The following PIWIL4 variants were observed in gnomAD, a reference collection of about 807,000 sequenced individuals.
The protein encoded by PIWIL4 is piwi-like protein 4.
A neutral mutation model predicts 100.9 loss-of-function variants in PIWIL4; 50 were observed. That is an observed-to-expected ratio of 0.50 (90% CI 0.39 to 0.63). The LOEUF (loss-of-function observed/expected upper bound fraction) is 0.63. PIWIL4 is among the 20% of genes least tolerant of loss of function. The pLI is 0.00. For missense variants in PIWIL4, 887 were observed against 1,043.3 expected (o/e 0.85, Z 2.06); for synonymous variants, 342 against 367.5 (o/e 0.93, Z 0.79).
chr11:94,598,559 G>A (rs760592638), intron 11 of PIWIL4, among the ~76,000 whole-genome samples: 5 of 151,756 alleles, frequency 3.3e-5, no homozygotes, highest in African/African-American at 9.7e-5. Context: ...CTCCCCCTCC[G>A]TTTTGCCCAC....
intron 4 of PIWIL4, among the ~76,000 whole-genome samples, chr11:94,583,032 GTA>G (rs142770942): frequency 0.19 from 26,434 of 137,646 alleles, 2,437 homozygotes; most frequent in East Asian, 0.27. Flanking sequence ...TGTGGTGTGT[GTA>G]TATATATATA....
rs755216519 is a variant in PIWIL4 at position 94,595,299 on chromosome 11, C to T, written c.1151-10C>T. ...CATTTTCTCACTTTGTCTTCATTTG[C>T]ATTTAATAGGGCTGACTGACCAGGC... On this transcript the variant is annotated splice_polypyrimidine_tract_variant and intron_variant, in intron 9 of 19. Transcript: ENST00000299001. The T allele has an allele frequency of 4.4e-6, 7 of 1,608,042 alleles. No individual in the cohort carries two copies. The South Asian group carries it at 5.5e-5, about 13-fold the overall frequency.
chr11:94,568,390 G>C (rs1027618396), intron 1 of PIWIL4, among the ~76,000 whole-genome samples: 3 of 152,096 alleles, frequency 2.0e-5, no homozygotes, highest in Non-Finnish European at 4.4e-5. Context: ...TTTTATGTCC[G>C]TGGGCTATGG....
chr11:94,585,666 T>G lies in PIWIL4; in HGVS notation c.716+141T>G, dbSNP rs1176806271. 8.4e-6 allele frequency: 5 copies of G among 594,670 alleles called. No individual in the cohort carries two copies. In the African/African-American group the frequency reaches 9.7e-5, roughly 12 times the overall value. 36.8% of individuals were successfully genotyped at this position (594,670 alleles called of 1,614,324 possible). On this transcript the variant is annotated intron_variant, in intron 6 of 19. Transcript: ENST00000299001. ...AATGAATTTTTTATAATTTTCAAGTTTTTTTAATAAAATGGTTCATGTGAA... is the reference window on the plus strand; with the variant it reads ...AATGAATTTTTTATAATTTTCAAGTGTTTTTAATAAAATGGTTCATGTGAA...
chr11:94,569,711 A>G (rs1948122705), intron 2 of PIWIL4, among the ~76,000 whole-genome samples: 1 of 152,052 alleles, frequency 6.6e-6, no homozygotes, highest in African/African-American at 2.4e-5. Context: ...TAACTCAGAA[A>G]CAGAAAGTCA....
intron 4 of PIWIL4, among the ~76,000 whole-genome samples, chr11:94,579,154 G>C (rs1948281321): frequency 6.6e-6 from 1 of 152,120 alleles, no homozygotes; most frequent in African/African-American, 2.4e-5. Flanking sequence ...GCACCCTTGT[G>C]CCTGTATGTC....
intron 3 of PIWIL4, among the ~76,000 whole-genome samples, chr11:94,576,197 C>T (rs889875741): frequency 3.3e-5 from 5 of 152,214 alleles, no homozygotes; most frequent in East Asian, 1.9e-4. Flanking sequence ...TGTAATGGTG[C>T]GATCTTGGTT....
In PIWIL4 at chr11:94,608,686, G is replaced by A. The variant is rs1438086012; in HGVS notation, c.1943G>A (p.Arg648Lys). ...GCCAGTGTTAACCCCAGAATCACCA[G>A]GTACTGCTAAAACTACCTGAACACA... The part of the protein sequence containing the change: ...CVASVNPRIT[R>K]WFSRCILQRT... The change falls in exon 15 of 20, where the codon AGG (arginine) becomes AAG (lysine). Residue 648 changes from arginine (R) to lysine (K), a missense_variant and splice_region_variant. Arg to Lys is a conservative substitution (Grantham distance 26). Coordinates refer to ENST00000299001, the MANE Select transcript of PIWIL4 (RefSeq NM_152431.3). The A allele has an allele frequency of 6.2e-7, 1 of 1,612,972 alleles. No homozygotes were observed. Among genetic ancestry groups the A allele is most frequent in the Non-Finnish European group, 8.5e-7 (1 of 1,179,100 alleles).
chr11:94,618,587 A>G (rs904210682), intron 17 of PIWIL4, among the ~76,000 whole-genome samples: 1 of 152,212 alleles, frequency 6.6e-6, no homozygotes, highest in Admixed American at 6.5e-5. Flanking sequence ...GCAGATGGAA[A>G]TCAGACCATC....
intron 4 of PIWIL4, among the ~76,000 whole-genome samples, chr11:94,580,692 A>G (rs1948299385): frequency 6.6e-6 from 1 of 152,304 alleles, no homozygotes; most frequent in African/African-American, 2.4e-5. Flanking sequence ...TGTCATAATA[A>G]TTAGTATCTT....
At chr11:94,576,099 T>C (rs1948232336) in intron 3 of PIWIL4, among the ~76,000 whole-genome samples, 1 of 152,188 alleles carries the variant, frequency 6.6e-6, no homozygotes, top group Non-Finnish European at 1.5e-5. Context: ...CTTTCCTCCA[T>C]GAGAAAAGCA....
chr11:94,598,705 C>CTTT (rs769342028), intron 11 of PIWIL4, among the ~76,000 whole-genome samples: 3,691 of 109,982 alleles, frequency 0.034, 144 homozygotes, highest in East Asian at 0.11. Flanking sequence ...TTTTTTCCAT[C>CTTT]TTTTTTTTTT....
Position 94,568,906 on chromosome 11 carries a change from A to G in PIWIL4, c.166+98A>G, listed in dbSNP as rs532386624. ...ACAGCAGTAGGCCCACCTCTTGCAC[A>G]TCCTGATTTCCTTTCCTTGAAGGAT... On this transcript the variant is annotated intron_variant, in intron 2 of 19. Transcript: ENST00000299001. 24 of 1,036,162 alleles carry G rather than the reference A, an allele frequency of 2.3e-5. 1 individual carries two copies. In the South Asian group the frequency reaches 3.3e-4, roughly 14 times the overall value. 64.2% of individuals were successfully genotyped at this position (1,036,162 alleles called of 1,614,324 possible). A position where few individuals can be genotyped will look rare whatever the true frequency, so the allele number is the denominator to read the frequency against.
At position 94,598,362 on chromosome 11, in the gene PIWIL4, C is replaced by T. The variant is rs1439410877; in HGVS notation, c.1380+447C>T. Among the ~76,000 whole-genome samples the T allele has an allele frequency of 1.4e-4, 21 of 152,040 alleles. 1 individual carries two copies. Among genetic ancestry groups the T allele is most frequent in the Non-Finnish European group, 1.8e-4 (12 of 68,018 alleles). ...ATGTCAGTTATGTATGTTAATCTTT[C>T]GAAATAAAACACTGCTCAATGGACA... On this transcript the variant is annotated intron_variant, in intron 11 of 19. Transcript: ENST00000299001.
chr11:94,610,979 T>C (rs1948782238), intron 15 of PIWIL4, among the ~76,000 whole-genome samples: 1 of 152,208 alleles, frequency 6.6e-6, no homozygotes, highest in East Asian at 1.9e-4. Flanking sequence ...CAATTTCGTT[T>C]TTTTACATGT....
At chr11:94,610,313 G>A (rs1297140292) in intron 15 of PIWIL4, among the ~76,000 whole-genome samples, 2 of 152,078 alleles carry the variant, frequency 1.3e-5, no homozygotes, top group Non-Finnish European at 2.9e-5. Context: ...TATTGAACAT[G>A]GGAATGTAGA....
intron 12 of PIWIL4, among the ~76,000 whole-genome samples, chr11:94,603,171 T>C (rs1192241907): frequency 6.6e-6 from 1 of 152,134 alleles, no homozygotes; most frequent in Non-Finnish European, 1.5e-5. Context: ...AGAGTTTGAA[T>C]TGGATGAGTC....
chr11:94,604,106 G>A lies in PIWIL4; in HGVS notation c.1638+50G>A, dbSNP rs138883311. On this transcript the variant is annotated intron_variant, in intron 13 of 19. Coordinates refer to ENST00000299001, the MANE Select transcript of PIWIL4 (RefSeq NM_152431.3). ...TCCTTTAATCTATAATTTTAGTTCT[G>A]CTTTATATCTACAGTCTGAACATAC... 4.0e-3 allele frequency: 4,908 copies of A among 1,239,126 alleles called. 16 individuals carry two copies. Among genetic ancestry groups the A allele is most frequent in the Non-Finnish European group, 4.5e-3 (3,975 of 876,408 alleles). 76.8% of individuals were successfully genotyped at this position (1,239,126 alleles called of 1,614,324 possible).
rs1392564347 is a variant in PIWIL4, at chr11:94,569,120, C to CG, written c.166+312_166+313insG. Among the ~76,000 whole-genome samples the CG allele has an allele frequency of 2.6e-5, 4 of 152,210 alleles. No individual in the cohort carries two copies. The East Asian group carries it at 7.7e-4, about 29-fold the overall frequency. ...TATATACGAATACCATTTGATCCAG[C>CG]AACCCCACTGCTGGGTATCTACCCA... On this transcript the variant is annotated intron_variant, in intron 2 of 19. Transcript: ENST00000299001.
Sources: gnomAD v4.1 joint callset for allele counts (sites outside exome capture counted in the v4.1 genomes callset) on GRCh38, gnomAD v4.1.1 for gene constraint, MANE v1.5 for transcripts, NCBI Gene and HGNC (gene_info 2026-07-23, HGNC 2026-07-21) for gene names.